Variants in ATM observed in about 807,000 individuals in gnomAD.
ATM encodes the protein ATM serine/threonine kinase.
Under a neutral mutation model 387.0 loss-of-function variants are expected in ATM, and 308 were observed. That is an observed-to-expected ratio of 0.80 (90% CI 0.73 to 0.87). The LOEUF is 0.87. Among genes scored for constraint, ATM ranks in the 40% least tolerant of loss-of-function variants. The pLI is 0.00. For synonymous variants in ATM, 1,156 were observed against 1,187.3 expected, an observed-to-expected ratio of 0.97 and a Z score of 0.54; for missense variants, 3,312 against 3,560.9, an observed-to-expected ratio of 0.93 and a Z score of 1.78.
At chr11:108,228,194 A>G (rs188181702) in intron 3 of ATM, among the ~76,000 whole-genome samples, 12 of 152,320 alleles carry the variant, frequency 7.9e-5, no homozygotes, top group African/African-American at 2.4e-4. Flanking sequence ...GGAAAAAATT[A>G]TAATAAATGT....
At chr11:108,362,997 A>G (rs905046846) in intron 61 of ATM, among the ~76,000 whole-genome samples, 12 of 152,206 alleles carry the variant, frequency 7.9e-5, no homozygotes, top group Admixed American at 2.0e-4. Context: ...AAACAAAAAA[A>G]ACACACCCTC....
chr11:108,321,375 T>G lies in ATM; in HGVS notation c.6527T>G (p.Leu2176Trp), dbSNP rs1555117194. 1 of 1,614,208 alleles carries G rather than the reference T, an allele frequency of 6.2e-7. No homozygotes were observed. The highest frequency in any genetic ancestry group is 8.5e-7 in the Non-Finnish European group (1 of 1,180,032). ...VYSLYPTLSRLQAIGELESIG... is the reference protein window; with the variant it reads ...VYSLYPTLSRWQAIGELESIG... Reference sequence around the variant, plus strand: ...TCGCTCTATCCCACACTTAGCAGGTTGCAGGCCATTGGAGAGCTGGAAAGC... The same window carrying G: ...TCGCTCTATCCCACACTTAGCAGGTGGCAGGCCATTGGAGAGCTGGAAAGC... Residue 2176 changes from leucine (L) to tryptophan (W), a missense_variant, in exon 45 of 63, where the codon TTG becomes TGG. By Grantham distance (61) the Leu-to-Trp change is moderately conservative (BLOSUM62 -2). Coordinates refer to ENST00000675843, the MANE Select transcript of ATM (RefSeq NM_000051.4).
intron 40 of ATM, among the ~76,000 whole-genome samples, chr11:108,314,980 C>G (rs2084493957): frequency 1.3e-5 from 2 of 152,210 alleles, no homozygotes; most frequent in South Asian, 4.1e-4. Flanking sequence ...ATGTATCAAA[C>G]AATTCACCTT....
chr11:108,287,804 A>AAATCTT, intron 27 of ATM, 89 bp downstream of exon 27: 1 of 888,346 alleles, frequency 1.1e-6, no homozygotes, highest in Admixed American at 2.3e-5. Flanking sequence ...GTCTATTTCA[A>AAATCTT]TTTATAGACA....
chr11:108,306,024 A>G (rs2083672547), intron 37 of ATM, among the ~76,000 whole-genome samples: 1 of 152,186 alleles, frequency 6.6e-6, no homozygotes, highest in South Asian at 2.1e-4. Flanking sequence ...CAATCCTTCC[A>G]GTCACTTCAG....
chr11:108,280,970 A>ATTTTTTTTTTT, intron 23 of ATM, 25 bp from the exon 24 acceptor site: 1 of 1,471,516 alleles, frequency 6.8e-7, no homozygotes, highest in Non-Finnish European at 9.2e-7. Flanking sequence ...TTTACATTAC[A>ATTTTTTTTTTT]TTTTTTTTTT....
At chr11:108,304,487 G>T (rs977497733) in intron 36 of ATM, among the ~76,000 whole-genome samples, 188 bp from the exon 37 acceptor site, 16 of 152,036 alleles carry the variant, frequency 1.1e-4, no homozygotes, top group African/African-American at 2.7e-4. Context: ...GCCTAGTGTG[G>T]TTTTTTAAAC....
intron 54 of ATM, 145 bp from the exon 55 acceptor site, chr11:108,334,824 C>A: frequency 1.1e-6 from 1 of 919,230 alleles, no homozygotes; most frequent in Non-Finnish European, 1.7e-6. Context: ...GCCACCACAC[C>A]CGGCCTAAAG....
chr11:108,267,141 C>G (rs2081297968), intron 16 of ATM, 30 bp from the exon 17 acceptor site: 1 of 1,611,596 alleles, frequency 6.2e-7, no homozygotes, highest in East Asian at 2.2e-5. Context: ...AAGAAGCCAT[C>G]TTGAACATCT....
chr11:108,233,655 T>A (rs1359738178), intron 4 of ATM, among the ~76,000 whole-genome samples: 1 of 151,032 alleles, frequency 6.6e-6, no homozygotes, highest in African/African-American at 2.4e-5. Flanking sequence ...GAGACCAACC[T>A]GGGCAACATA....
At chr11:108,357,523 C>T (rs1308812356) in intron 61 of ATM, among the ~76,000 whole-genome samples, 1 of 152,202 alleles carries the variant, frequency 6.6e-6, no homozygotes, top group Non-Finnish European at 1.5e-5. Flanking sequence ...CAGCAGTAAC[C>T]TCTGCAGACT....
intron 58 of ATM, 31 bp downstream of exon 58, chr11:108,345,939 C>G (rs1399796541): frequency 2.0e-5 from 32 of 1,611,378 alleles, no homozygotes; most frequent in Non-Finnish European, 2.5e-5. Flanking sequence ...GTAGATTGAG[C>G]ACTTTGTTGT....
intron 26 of ATM, among the ~76,000 whole-genome samples, chr11:108,285,828 C>T (rs758072174): frequency 1.1e-4 from 16 of 152,298 alleles, no homozygotes; most frequent in Admixed American, 4.6e-4. Flanking sequence ...TAGCCACTCC[C>T]ATTCAATCTC....
chr11:108,365,771 T>C lies in ATM; in HGVS notation c.*263T>C. 1 of 471,216 alleles carries C rather than the reference T, an allele frequency of 2.1e-6. No homozygotes were observed. The highest frequency in any genetic ancestry group is 3.8e-6 in the Non-Finnish European group (1 of 262,508). The allele number at this position is 471,216 out of a possible 1,614,324, so 29.2% of individuals were successfully genotyped here. ...GCTCACGCCTGTAATCCCAGCACTT[T>C]GGGAGGCCGAGGTGAGCGGATCACA... is the stretch of plus-strand genomic sequence containing the variant. On this transcript the variant is annotated 3_prime_UTR_variant, in exon 63 of 63. Coordinates refer to ENST00000675843, the MANE Select transcript of ATM (RefSeq NM_000051.4).
intron 56 of ATM, among the ~76,000 whole-genome samples, chr11:108,337,329 A>G (rs2086959343): frequency 6.6e-6 from 1 of 152,222 alleles, no homozygotes; most frequent in Admixed American, 6.5e-5. Flanking sequence ...GATGTTTTCC[A>G]TTAGCAGTTT....
rs1407651309 is a variant in ATM, at chr11:108,358,683, T to C, written c.8850+3809T>C. ...AGAATTTTCAACCCAGAATTTCATATCCAGCCAAACTAAGCTTCATCAGTG... is the reference window on the plus strand; with the variant it reads ...AGAATTTTCAACCCAGAATTTCATACCCAGCCAAACTAAGCTTCATCAGTG... On this transcript the variant is annotated intron_variant, in intron 61 of 62. Coordinates refer to ENST00000675843, the MANE Select transcript of ATM (RefSeq NM_000051.4). Among the ~76,000 whole-genome samples the C allele has an allele frequency of 1.2e-4, 18 of 149,020 alleles. No individual in the cohort carries two copies. The East Asian group carries it at 3.5e-3, about 29-fold the overall frequency.
intron 5 of ATM, among the ~76,000 whole-genome samples, chr11:108,243,740 C>T (rs1261057131): frequency 1.3e-5 from 2 of 152,120 alleles, no homozygotes; most frequent in African/African-American, 4.8e-5. Context: ...CTGGTGCTCT[C>T]ACAGCAGTTT....
In ATM at chr11:108,227,849, C is replaced by T. The variant is rs1800054; in HGVS notation, c.146C>T (p.Ser49Phe). Residue 49 changes from serine to phenylalanine, a missense_variant, in exon 3 of 63, where the codon TCC becomes TTC. By Grantham distance (155) the Ser-to-Phe change is radical. Around this residue, in one of 4 missense-constraint regions of ATM, gnomAD observed 1,791 missense variants for 1,804.5 expected, o/e 0.99. Coordinates refer to ENST00000675843, the MANE Select transcript of ATM (RefSeq NM_000051.4). ...AAACATCTAGATCGGCATTCAGATT[C>T]CAAACAAGGAAAATATTTGAATTGG... ...TIKHLDRHSD[S>F]KQGKYLNWDA... 1.9e-6 allele frequency: 3 copies of T among 1,613,200 alleles called. No homozygotes were observed. Among genetic ancestry groups the T allele is most frequent in the Middle Eastern group, 1.7e-4 (1 of 5,984 alleles).
At position 108,368,124 on chromosome 11, in the gene ATM, G is replaced by A. The variant is rs562960650; in HGVS notation, c.*2616G>A. On this transcript the variant is annotated 3_prime_UTR_variant, in exon 63 of 63. Coordinates refer to ENST00000675843, the MANE Select transcript of ATM (RefSeq NM_000051.4). Reference sequence around the variant, plus strand: ...TTCTGTTCAAGTATTCTAATCAATGGCTTTGAAAAGTTTATCAAATTTACA... The same window carrying A: ...TTCTGTTCAAGTATTCTAATCAATGACTTTGAAAAGTTTATCAAATTTACA... 1.3e-4 allele frequency: 26 copies of A among 206,600 alleles called. No individual in the cohort carries two copies. Among genetic ancestry groups the A allele is most frequent in the Non-Finnish European group, 2.2e-4 (22 of 101,390 alleles). The allele number at this position is 206,600 out of a possible 1,614,324, so 12.8% of individuals were successfully genotyped here. A position where few individuals can be genotyped will look rare whatever the true frequency, so the allele number is the denominator to read the frequency against.
Sources: gnomAD v4.1 joint callset for allele counts (sites outside exome capture counted in the v4.1 genomes callset) on GRCh38, gnomAD v4.1.1 for gene constraint, gnomAD v4.1.1 regional missense constraint, MANE v1.5 for transcripts, NCBI Gene and HGNC (gene_info 2026-07-23, HGNC 2026-07-21) for gene names.